SCFD1: variants seen among roughly 807,000 people sequenced by gnomAD.
SCFD1 encodes the protein sec1 family domain containing 1.
A neutral mutation model predicts 103.2 loss-of-function variants in SCFD1; 37 were observed. The observed-to-expected ratio is 0.36, with a 90% CI of 0.28 to 0.47. The LOEUF (loss-of-function observed/expected upper bound fraction) is 0.47. Ranked by LOEUF, SCFD1 falls within the 20% of genes least tolerant of loss-of-function variation. The probability of loss-of-function intolerance (pLI) is 1.00; values close to 1 mark genes in which losing one functional copy is unlikely to be tolerated. For synonymous variants in SCFD1, 264 were observed against 245.0 expected (o/e 1.08, Z -0.73); for missense variants, 639 against 761.2 (o/e 0.84, Z 1.89).
At chr14:30,666,779 T>C (rs930256783) in intron 10 of SCFD1, among the ~76,000 whole-genome samples, 2 of 152,106 alleles carry the variant, frequency 1.3e-5, no homozygotes, top group African/African-American at 4.8e-5. Flanking sequence ...AACACCTCTA[T>C]GCAAATAAAC....
intron 15 of SCFD1, among the ~76,000 whole-genome samples, chr14:30,695,447 G>A (rs555642999): frequency 1.3e-5 from 2 of 152,252 alleles, no homozygotes; most frequent in Admixed American, 1.3e-4. Flanking sequence ...TCTCACTCAT[G>A]TGGAAGCTTA....
intron 6 of SCFD1, 89 bp downstream of exon 6, chr14:30,639,953 A>T: frequency 7.2e-7 from 1 of 1,396,420 alleles, no homozygotes; most frequent in Non-Finnish European, 9.4e-7. Flanking sequence ...AATGGACTTC[A>T]AAACCAGCTT....
At chr14:30,630,882 C>A in intron 3 of SCFD1, 1 of 261,528 alleles carries the variant, frequency 3.8e-6, no homozygotes, top group Non-Finnish European at 7.2e-6. Context: ...TTCTCCTTGA[C>A]CTACAATGGG....
Position 30,653,473 on chromosome 14 carries a change from A to G in SCFD1, c.756-16A>G, listed in dbSNP as rs1886595947. 6.5e-6 allele frequency: 10 copies of G among 1,535,874 alleles called. No homozygotes were observed. Among genetic ancestry groups the G allele is most frequent in the Non-Finnish European group, 9.0e-6 (10 of 1,113,684 alleles). On this transcript the variant is annotated splice_polypyrimidine_tract_variant and intron_variant, in intron 9 of 24. Transcript: ENST00000458591. The stretch of plus-strand genomic sequence containing the variant: ...GTATCAAGAGTTATGTAATTTTTTT[A>G]TATGTATATTTACAGCTTCCAGAGG...
chr14:30,653,580 G>C lies in SCFD1; in HGVS notation c.847G>C (p.Asp283His). The C allele has an allele frequency of 6.2e-7, 1 of 1,604,470 alleles. No homozygotes were observed. Among genetic ancestry groups the C allele is most frequent in the Non-Finnish European group, 8.5e-7 (1 of 1,171,750 alleles). Residue 283 changes from aspartate to histidine, a missense_variant, in exon 10 of 25, where the codon GAT becomes CAT. Asp to His is a moderately conservative substitution (Grantham distance 81). Transcript: ENST00000458591. ...HTWTYQALVHDVLDFHLNRVN... is the reference protein window; with the variant it reads ...HTWTYQALVHHVLDFHLNRVN... ...TTGGACATATCAAGCATTGGTGCAC[G>C]ATGTACTGGTAAGAGACTAAATGCA...
intron 9 of SCFD1, among the ~76,000 whole-genome samples, chr14:30,651,541 AG>A (rs1886389549): frequency 6.6e-6 from 1 of 150,996 alleles, no homozygotes; most frequent in Non-Finnish European, 1.5e-5. Flanking sequence ...ATTAGGTAGA[AG>A]AAAAACATCA....
At chr14:30,703,623 T>TA (rs906038798) in intron 17 of SCFD1, among the ~76,000 whole-genome samples, 18 of 149,426 alleles carry the variant, frequency 1.2e-4, no homozygotes, top group Admixed American at 7.3e-4. Context: ...ACAATTACAT[T>TA]AAAAAAAAGC....
In SCFD1 at chr14:30,675,057, C is replaced by T; in HGVS notation, c.1234C>T (p.His412Tyr). 1.3e-6 allele frequency: 2 copies of T among 1,564,142 alleles called. No individual in the cohort carries two copies. Among genetic ancestry groups the T allele is most frequent in the Non-Finnish European group, 1.7e-6 (2 of 1,152,756 alleles). The change falls in exon 14 of 25, where the codon CAT (histidine) becomes TAT (tyrosine). Residue 412 changes from histidine (H) to tyrosine (Y), a missense_variant. By Grantham distance (83) the His-to-Tyr change is moderately conservative (BLOSUM62 2). Transcript: ENST00000458591. ...HTNVATAVLE[H>Y]IKARKLDVYF... ...AAATGTTGCCACTGCTGTTTTAGAACATATAAAGGTAAATTTAACTTTTTC... is the reference window on the plus strand; with the variant it reads ...AAATGTTGCCACTGCTGTTTTAGAATATATAAAGGTAAATTTAACTTTTTC...
chr14:30,703,376 C>A (rs118164705), intron 17 of SCFD1, among the ~76,000 whole-genome samples: 1,989 of 149,564 alleles, frequency 0.013, 18 homozygotes, highest in Non-Finnish European at 0.022. Context: ...CCTGTTTATC[C>A]ATTTTTTCAT....
chr14:30,681,665 AAG>A (rs761951227), intron 14 of SCFD1, among the ~76,000 whole-genome samples: 1 of 148,842 alleles, frequency 6.7e-6, no homozygotes, highest in African/African-American at 2.4e-5. Context: ...CAAGATAAAA[AAG>A]AGAGAGATGA....
intron 14 of SCFD1, among the ~76,000 whole-genome samples, chr14:30,684,082 A>G (rs534274369): frequency 6.6e-6 from 1 of 152,238 alleles, no homozygotes; most frequent in Non-Finnish European, 1.5e-5. Context: ...ACTTATAGGA[A>G]GGAAAAGGGA....
chr14:30,700,298 T>C lies in SCFD1; in HGVS notation c.1410+40T>C, dbSNP rs142788870. 4.4e-5 allele frequency: 56 copies of C among 1,259,056 alleles called. 1 individual carries two copies. In the East Asian group the frequency reaches 9.5e-4, roughly 21 times the overall value. The allele number at this position is 1,259,056 out of a possible 1,614,324, so 78.0% of individuals were successfully genotyped here. A position where few individuals can be genotyped will look rare whatever the true frequency, so the allele number is the denominator to read the frequency against. ...CAGTTATTGGGAGGAAGGGGAATGC[T>C]TGTTTGTAGACTACTACAATTCAGA... On this transcript the variant is annotated intron_variant, in intron 16 of 24. Coordinates refer to ENST00000458591, the MANE Select transcript of SCFD1 (RefSeq NM_016106.4).
chr14:30,694,704 T>C (rs1391029884), intron 14 of SCFD1, 69 bp from the exon 15 acceptor site: 51 of 1,489,754 alleles, frequency 3.4e-5, no homozygotes, highest in Non-Finnish European at 4.2e-5. Context: ...TAGAAACTTA[T>C]AAGGTGAGTA....
At chr14:30,636,360 G>T (rs553234235) in intron 4 of SCFD1, among the ~76,000 whole-genome samples, 81 of 150,376 alleles carry the variant, frequency 5.4e-4, no homozygotes, top group African/African-American at 1.9e-3. Flanking sequence ...TTATAGTTTT[G>T]GCTCTTACCT....
At chr14:30,648,444 T>C (rs1270274676) in intron 7 of SCFD1, among the ~76,000 whole-genome samples, 6 of 152,246 alleles carry the variant, frequency 3.9e-5, no homozygotes, top group Non-Finnish European at 8.8e-5. Context: ...ATATGAATAA[T>C]GTGTTTTCTA....
At chr14:30,657,731 G>A (rs990301700) in intron 10 of SCFD1, among the ~76,000 whole-genome samples, 2 of 152,156 alleles carry the variant, frequency 1.3e-5, no homozygotes, top group Admixed American at 1.3e-4. Flanking sequence ...GGTCTTCAGA[G>A]CTTTTAAAAC....
At chr14:30,701,021 A>G (rs1891044142) in intron 16 of SCFD1, among the ~76,000 whole-genome samples, 1 of 152,208 alleles carries the variant, frequency 6.6e-6, no homozygotes, top group African/African-American at 2.4e-5. Flanking sequence ...TGTTGACTTT[A>G]ATGTTAACTG....
At chr14:30,670,171 C>T in intron 10 of SCFD1, 85 bp from the exon 11 acceptor site, 1 of 1,087,278 alleles carries the variant, frequency 9.2e-7, no homozygotes, top group East Asian at 2.7e-5. Context: ...ATATTTTGTC[C>T]TTGGAAACAT....
chr14:30,668,039 T>C (rs574958465), intron 10 of SCFD1, among the ~76,000 whole-genome samples: 2 of 152,234 alleles, frequency 1.3e-5, no homozygotes, highest in South Asian at 4.2e-4. Context: ...CTTCACAGAA[T>C]TGGAAAAAAA....
Sources: gnomAD v4.1 joint callset for allele counts (sites outside exome capture counted in the v4.1 genomes callset) on GRCh38, gnomAD v4.1.1 for gene constraint, MANE v1.5 for transcripts, NCBI Gene and HGNC (gene_info 2026-07-23, HGNC 2026-07-21) for gene names.